COL8A1: variants seen among roughly 807,000 people sequenced by gnomAD.
The protein encoded by COL8A1 is collagen type VIII alpha 1 chain, also known as collagen alpha-1(VIII) chain.
COL8A1 carries 21 observed loss-of-function variants against 42.7 expected under a neutral mutation model. The observed-to-expected ratio is 0.49, with a 90% CI of 0.35 to 0.71. The LOEUF is 0.71. COL8A1 is among the 30% of genes least tolerant of loss of function. The pLI is 0.01. For synonymous variants in COL8A1, 367 were observed against 369.1 expected, an observed-to-expected ratio of 0.99 and a Z score of 0.06; for missense variants, 788 against 962.4, an observed-to-expected ratio of 0.82 and a Z score of 2.40.
rs764675709 is a variant in COL8A1 at position 99,795,979 on chromosome 3, A to T, written c.2078A>T (p.Lys693Ile). The stretch of plus-strand genomic sequence containing the variant: ...GTGATGTACACGTACGACGAGTACA[A>T]AAAGGGCTTCCTGGACCAGGCATCT... ...EPVMYTYDEY[K>I]KGFLDQASGS... The change falls in exon 4 of 4, where the codon AAA (lysine) becomes ATA (isoleucine). Residue 693 changes from lysine (K) to isoleucine (I), a missense_variant. Physicochemically the swap from Lys to Ile is moderately radical, Grantham distance 102 (BLOSUM62 -3). Coordinates refer to ENST00000652472, the MANE Select transcript of COL8A1 (RefSeq NM_020351.4). 1.2e-6 allele frequency: 2 copies of T among 1,614,066 alleles called. No homozygotes were observed. The highest frequency in any genetic ancestry group is 1.7e-6 in the Non-Finnish European group (2 of 1,179,978).
At chr3:99,779,041 A>G in intron 2 of COL8A1, among the ~76,000 whole-genome samples, 1 of 152,230 alleles carries the variant, frequency 6.6e-6, no homozygotes, top group South Asian at 2.1e-4. Context: ...AAAATGCATT[A>G]CAGATTTGCT....
At chr3:99,723,613 C>G (rs1234580450) in intron 1 of COL8A1, among the ~76,000 whole-genome samples, 1 of 152,118 alleles carries the variant, frequency 6.6e-6, no homozygotes, top group Non-Finnish European at 1.5e-5. Context: ...TGAAATTTCT[C>G]TGGCAGGCTA....
At chr3:99,717,795 A>C (rs1320023207) in intron 1 of COL8A1, among the ~76,000 whole-genome samples, 1 of 151,992 alleles carries the variant, frequency 6.6e-6, no homozygotes, top group Non-Finnish European at 1.5e-5. Context: ...GGCTGTAGAT[A>C]AAGTTGGAGC....
chr3:99,643,161 T>G (rs753015591), intron 1 of COL8A1, among the ~76,000 whole-genome samples: 1 of 152,222 alleles, frequency 6.6e-6, no homozygotes, highest in Non-Finnish European at 1.5e-5. Context: ...CAGTGCTTAA[T>G]CTTGAATAAC....
At chr3:99,686,564 T>C (rs1939058991) in intron 1 of COL8A1, among the ~76,000 whole-genome samples, 1 of 152,134 alleles carries the variant, frequency 6.6e-6, no homozygotes, top group South Asian at 2.1e-4. Context: ...AGGAATACAG[T>C]CTTCAGAGCA....
At chr3:99,712,461 C>T (rs991083621) in intron 1 of COL8A1, among the ~76,000 whole-genome samples, 1 of 152,160 alleles carries the variant, frequency 6.6e-6, no homozygotes, top group Non-Finnish European at 1.5e-5. Context: ...GTCCACCTCC[C>T]AGCCTGTCGG....
intron 3 of COL8A1, among the ~76,000 whole-genome samples, chr3:99,791,479 C>T (rs375370895): frequency 6.6e-6 from 1 of 152,192 alleles, no homozygotes; most frequent in African/African-American, 2.4e-5. Flanking sequence ...AAGTATTAGA[C>T]AGGTGCAAGT....
At chr3:99,691,370 A>G (rs1452406522) in intron 1 of COL8A1, 1 of 152,138 alleles carries the variant, frequency 6.6e-6, no homozygotes, top group Admixed American at 6.5e-5. Context: ...CTGTTGTGTG[A>G]GCTTGGGTAA....
chr3:99,796,279 T>C lies in COL8A1; in HGVS notation c.*143T>C. On this transcript the variant is annotated 3_prime_UTR_variant, in exon 4 of 4. Transcript: ENST00000652472. ...ATGTAAGTGAAAATTTGGACCATTG[T>C]GTACAAATAAAAACTAAGATGCATG... 1.5e-6 allele frequency: 1 copy of C among 654,460 alleles called. No homozygotes were observed. The highest frequency in any genetic ancestry group is 2.8e-5 in the East Asian group (1 of 35,510). The allele number at this position is 654,460 out of a possible 1,614,324, so 40.5% of individuals were successfully genotyped here.
chr3:99,743,553 G>A (rs960703033), intron 1 of COL8A1, among the ~76,000 whole-genome samples: 3 of 152,060 alleles, frequency 2.0e-5, no homozygotes, highest in Non-Finnish European at 4.4e-5. Context: ...CAAATACAGA[G>A]AAAATCTAGA....
chr3:99,738,536 G>T (rs886683649), intron 1 of COL8A1, among the ~76,000 whole-genome samples: 2 of 152,218 alleles, frequency 1.3e-5, no homozygotes, highest in African/African-American at 4.8e-5. Flanking sequence ...TAGGCTGCTC[G>T]GGGTTCAGGG....
chr3:99,748,396 A>G (rs1355808026), intron 2 of COL8A1, among the ~76,000 whole-genome samples: 1 of 152,232 alleles, frequency 6.6e-6, no homozygotes, highest in Non-Finnish European at 1.5e-5. Flanking sequence ...AATGAAAAAC[A>G]GAATGTAAAA....
intron 1 of COL8A1, among the ~76,000 whole-genome samples, chr3:99,645,391 A>G (rs1937623146): frequency 6.6e-6 from 1 of 152,134 alleles, no homozygotes; most frequent in South Asian, 2.1e-4. Context: ...TGAGGTTGGA[A>G]GAATGAGGAA....
chr3:99,654,130 CA>C, intron 1 of COL8A1, among the ~76,000 whole-genome samples: 1 of 152,160 alleles, frequency 6.6e-6, no homozygotes, highest in Admixed American at 6.5e-5. Context: ...GGGCAGAAAG[CA>C]TCCAACACAG....
At chr3:99,687,788 C>A (rs779557869) in intron 1 of COL8A1, among the ~76,000 whole-genome samples, 15 of 152,086 alleles carry the variant, frequency 9.9e-5, no homozygotes, top group Admixed American at 2.0e-4. Context: ...TTAATGAAAC[C>A]ATTTAAGCAA....
intron 1 of COL8A1, among the ~76,000 whole-genome samples, chr3:99,736,117 A>G (rs1252774964): frequency 1.3e-5 from 2 of 151,928 alleles, no homozygotes; most frequent in African/African-American, 4.8e-5. Context: ...TAGATTCATT[A>G]ATTTTTTGAA....
chr3:99,672,926 G>T (rs550903739), intron 1 of COL8A1, among the ~76,000 whole-genome samples: 1 of 151,920 alleles, frequency 6.6e-6, no homozygotes. Flanking sequence ...TGCACTGCTT[G>T]GATTATGATT....
At chr3:99,727,025 T>G (rs377375755) in intron 1 of COL8A1, among the ~76,000 whole-genome samples, 1 of 150,866 alleles carries the variant, frequency 6.6e-6, no homozygotes, top group East Asian at 2.0e-4. Flanking sequence ...TTTCATGATA[T>G]TGATTCTTCC....
intron 1 of COL8A1, among the ~76,000 whole-genome samples, chr3:99,682,198 T>C (rs761431347): frequency 3.3e-5 from 5 of 152,158 alleles, no homozygotes; most frequent in Non-Finnish European, 5.9e-5. Flanking sequence ...GAGGATGACT[T>C]GAGGGCAGGA....
Sources: allele counts gnomAD v4.1 joint callset (sites outside exome capture counted in the v4.1 genomes callset), GRCh38; gene constraint gnomAD v4.1.1; transcripts MANE v1.5; gene names NCBI Gene and HGNC (gene_info 2026-07-23, HGNC 2026-07-21).